The following LPAR6 variants were observed in gnomAD, a reference collection of about 807,000 sequenced individuals.
LPAR6 encodes lysophosphatidic acid receptor 6, also known as G-protein coupled purinergic receptor P2Y5.
Under a neutral mutation model 22.0 loss-of-function variants are expected in LPAR6, and 17 were observed. The observed-to-expected ratio is 0.77, with a 90% CI of 0.53 to 1.16. The LOEUF is 1.16. Among genes scored for constraint, LPAR6 ranks in the 50% most tolerant of loss-of-function variants. The probability of loss-of-function intolerance (pLI) is 0.00; values close to 1 mark genes in which losing one functional copy is unlikely to be tolerated. For synonymous variants in LPAR6, 136 were observed against 139.8 expected (o/e 0.97, Z 0.19); for missense variants, 384 against 406.9 (o/e 0.94, Z 0.48).
chr13:48,425,913 G>A (rs1195565191), intron 1 of LPAR6, among the ~76,000 whole-genome samples: 1 of 152,122 alleles, frequency 6.6e-6, no homozygotes, highest in East Asian at 1.9e-4. Context: ...GACTTGCTTA[G>A]GATTACAAAG....
chr13:48,392,356 C>G (rs1011394147), intron 1 of LPAR6, among the ~76,000 whole-genome samples: 3 of 152,168 alleles, frequency 2.0e-5, no homozygotes, highest in African/African-American at 7.2e-5. Flanking sequence ...GGTGACCCAC[C>G]CACCTTGGCT....
chr13:48,411,922 A>T lies in LPAR6; in HGVS notation c.502T>A (p.Cys168Ser), dbSNP rs755007622. The T allele has an allele frequency of 7.4e-6, 12 of 1,612,488 alleles. 1 individual carries two copies. The highest frequency in any genetic ancestry group is 1.0e-5 in the Non-Finnish European group (12 of 1,179,212). ...HSQGNNASEA[C>S]FENFPEATWK... ...GTGGCTTCTGGAAAATTTTCAAAGC[A>T]GGCTTCTGAGGCATTGTTACCCTGA... Residue 168 changes from cysteine (C) to serine (S), a missense_variant, in exon 1 of 1, where the codon TGC (cysteine) becomes AGC (serine). By Grantham distance (112) the Cys-to-Ser change is moderately radical. Coordinates refer to ENST00000620633, the MANE Select transcript of LPAR6 (RefSeq NM_001162498.3).
chr13:48,390,425 A>G (rs147951773), intron 1 of LPAR6, among the ~76,000 whole-genome samples: 271 of 152,278 alleles, frequency 1.8e-3, no homozygotes, highest in African/African-American at 5.9e-3. Context: ...CCAAGGAGCC[A>G]GAAAGTACAG....
intron 1 of LPAR6, among the ~76,000 whole-genome samples, chr13:48,424,613 G>C (rs956512535): frequency 6.7e-6 from 1 of 149,004 alleles, no homozygotes; most frequent in Non-Finnish European, 1.5e-5. Context: ...CTTTTTTTCC[G>C]AACTCTCTTG....
exon 2 of LPAR6, chr13:48,389,664 A>T (rs1305080922): frequency 1.3e-5 from 2 of 152,172 alleles, no homozygotes; most frequent in African/African-American, 4.8e-5. Flanking sequence ...ACTATGTGTC[A>T]GCAGGTGCCT....
chr13:48,402,959 G>A (rs571716908), intron 1 of LPAR6, among the ~76,000 whole-genome samples: 14 of 151,914 alleles, frequency 9.2e-5, no homozygotes, highest in South Asian at 6.2e-4. Context: ...GCTTCTGTTC[G>A]TAAAGTACTA....
chr13:48,422,826 C>T (rs1352578496), intron 1 of LPAR6: 1 of 152,034 alleles, frequency 6.6e-6, no homozygotes, highest in East Asian at 1.9e-4. Context: ...ATATAGCCTA[C>T]ATATACAACC....
downstream of LPAR6, among the ~76,000 whole-genome samples, chr13:48,410,010 T>A (rs1390312514): frequency 6.6e-6 from 1 of 152,186 alleles, no homozygotes; most frequent in Non-Finnish European, 1.5e-5. Context: ...TTTTGTTTAG[T>A]TATTTGGCCT....
chr13:48,431,402 A>G (rs966200111), upstream of LPAR6, among the ~76,000 whole-genome samples: 3 of 152,180 alleles, frequency 2.0e-5, no homozygotes, highest in Non-Finnish European at 4.4e-5. Context: ...ACATATTTTG[A>G]CTTTAGGCAT....
Position 48,411,549 on chromosome 13 carries a change from T to C in LPAR6, c.875A>G (p.Tyr292Cys), listed in dbSNP as rs1948802021. The C allele has an allele frequency of 6.2e-7, 1 of 1,613,670 alleles. No homozygotes were observed. The change falls in exon 1 of 1, where the codon TAC (tyrosine) becomes TGC (cysteine). Residue 292 changes from tyrosine (Y) to cysteine (C), a missense_variant. Transcript: ENST00000620633. Reference sequence around the variant, plus strand: ...ATTCTGAATTGTGTCCGATGTAAAGTAGTAAACTATAGGGTCAAAACAACA... The same window carrying C: ...ATTCTGAATTGTGTCCGATGTAAAGCAGTAAACTATAGGGTCAAAACAACA... ...SNCCFDPIVY[Y>C]FTSDTIQNSI...
chr13:48,437,207 G>A (rs188978106), intron 1 of LPAR6, among the ~76,000 whole-genome samples: 114 of 152,272 alleles, frequency 7.5e-4, no homozygotes, highest in African/African-American at 2.7e-3. Flanking sequence ...AGAGTGAAGC[G>A]TTGTTCAGAG....
rs759479432 is a variant in LPAR6 at position 48,411,779 on chromosome 13, A to T, written c.645T>A (p.Val215=). 6.2e-7 allele frequency: 1 copy of T among 1,611,836 alleles called. No individual in the cohort carries two copies. The highest frequency in any genetic ancestry group is 1.1e-5 in the South Asian group (1 of 90,996). The stretch of plus-strand genomic sequence containing the variant: ...TGTTTATTTTGCTTCTACTTAATGT[A>T]ACAGGTTTGGTTAAAGTTTTTAGCA... The part of the protein sequence containing the change: ...SMVLKTLTKP[V]TLSRSKINKT... The change falls in exon 1 of 1, where the codon GTT becomes GTA. Residue 215 remains valine, a synonymous_variant. Coordinates refer to ENST00000620633, the MANE Select transcript of LPAR6 (RefSeq NM_001162498.3).
intron 1 of LPAR6, among the ~76,000 whole-genome samples, chr13:48,438,844 AT>A (rs1949208727): frequency 6.6e-6 from 1 of 152,232 alleles, no homozygotes; most frequent in Non-Finnish European, 1.5e-5. Flanking sequence ...TTGATTGCTT[AT>A]CATGTGCCAT....
At chr13:48,435,483 A>G (rs1949174126) in intron 1 of LPAR6, among the ~76,000 whole-genome samples, 1 of 152,012 alleles carries the variant, frequency 6.6e-6, no homozygotes, top group African/African-American at 2.4e-5. Context: ...TTTGTTAGAT[A>G]TGTGGTTAGC....
rs541314097 is a variant in LPAR6 at position 48,436,983 on chromosome 13, T to C, written c.-1474+7570A>G. Among the ~76,000 whole-genome samples, 7 of 152,354 alleles carry C rather than the reference T, an allele frequency of 4.6e-5. No homozygotes were observed. The East Asian group carries it at 7.7e-4, about 17-fold the overall frequency. The stretch of plus-strand genomic sequence containing the variant: ...TGTACTTACTTTGATAATCAGAATC[T>C]CTTTTAGGAGCACCTTGACTTAATA... On this transcript the variant is annotated intron_variant, in intron 1 of 6. Coordinates refer to the LPAR6 transcript ENST00000378434.
At chr13:48,392,531 C>T (rs905948704) in intron 1 of LPAR6, among the ~76,000 whole-genome samples, 1 of 151,874 alleles carries the variant, frequency 6.6e-6, no homozygotes, top group Non-Finnish European at 1.5e-5. Flanking sequence ...ATCTAATCTG[C>T]TATTAATCTC....
chr13:48,404,570 A>G (rs1236292200), intron 1 of LPAR6, among the ~76,000 whole-genome samples: 5 of 152,070 alleles, frequency 3.3e-5, no homozygotes, highest in Non-Finnish European at 7.4e-5. Flanking sequence ...TCTGTCGCCC[A>G]GGCTGGAGTG....
upstream of LPAR6, among the ~76,000 whole-genome samples, chr13:48,415,236 A>G (rs1385169708): frequency 6.6e-6 from 1 of 151,836 alleles, no homozygotes; most frequent in Non-Finnish European, 1.5e-5. Flanking sequence ...TTGACTTGTT[A>G]TTCACTTAAG....
chr13:48,433,123 T>C (rs1949146933), intron 1 of LPAR6, among the ~76,000 whole-genome samples: 1 of 152,148 alleles, frequency 6.6e-6, no homozygotes, highest in Non-Finnish European at 1.5e-5. Context: ...AATAAATTAA[T>C]TTCTGATATG....
Sources: gnomAD v4.1 joint callset for allele counts (sites outside exome capture counted in the v4.1 genomes callset) on GRCh38, gnomAD v4.1.1 for gene constraint, MANE v1.5 for transcripts, NCBI Gene and HGNC (gene_info 2026-07-23, HGNC 2026-07-21) for gene names.